The following GPC5 variants were observed in gnomAD, a reference collection of about 807,000 sequenced individuals.
The protein encoded by GPC5 is glypican 5.
GPC5 carries 47 observed loss-of-function variants against 53.9 expected under a neutral mutation model. The observed-to-expected ratio is 0.87, with a 90% CI of 0.69 to 1.11. GPC5 has a LOEUF of 1.11. GPC5 is among the 50% of genes most tolerant of loss of function. The probability of loss-of-function intolerance (pLI) is 0.00; values close to 1 mark genes in which losing one functional copy is unlikely to be tolerated. For synonymous variants in GPC5, 286 were observed against 263.3 expected, an observed-to-expected ratio of 1.09 and a Z score of -0.84; for missense variants, 748 against 713.1, an observed-to-expected ratio of 1.05 and a Z score of -0.56.
At chr13:92,609,180 G>A (rs566535905) in intron 7 of GPC5, among the ~76,000 whole-genome samples, 7 of 152,190 alleles carry the variant, frequency 4.6e-5, no homozygotes, top group African/African-American at 7.2e-5. Context: ...ACTTGGGTAC[G>A]AAGGAATGTG....
intron 6 of GPC5, among the ~76,000 whole-genome samples, chr13:91,959,628 G>A (rs1051825132): frequency 2.0e-5 from 3 of 151,908 alleles, no homozygotes; most frequent in African/African-American, 7.2e-5. Context: ...GATGAACATA[G>A]ACACAAAATT....
intron 7 of GPC5, among the ~76,000 whole-genome samples, chr13:92,683,309 A>G (rs1887163263): frequency 6.6e-6 from 1 of 152,182 alleles, no homozygotes; most frequent in African/African-American, 2.4e-5. Context: ...GTTCCTTGGG[A>G]ATGTGGGTTA....
intron 7 of GPC5, among the ~76,000 whole-genome samples, chr13:92,497,050 A>G (rs1338155520): frequency 6.6e-6 from 1 of 152,168 alleles, no homozygotes; most frequent in Non-Finnish European, 1.5e-5. Flanking sequence ...CCCATTCTGT[A>G]GGTTGCCTGT....
At chr13:91,807,544 A>T (rs2038241453) in intron 5 of GPC5, among the ~76,000 whole-genome samples, 1 of 152,068 alleles carries the variant, frequency 6.6e-6, no homozygotes, top group Non-Finnish European at 1.5e-5. Context: ...TCTGCTACTT[A>T]TTTTTACCTC....
chr13:92,553,357 C>G, intron 7 of GPC5, among the ~76,000 whole-genome samples: 1 of 152,060 alleles, frequency 6.6e-6, no homozygotes, highest in Non-Finnish European at 1.5e-5. Flanking sequence ...CTCATAATTT[C>G]TCACCTAGAT....
chr13:91,949,517 G>A (rs1233597994), intron 6 of GPC5, among the ~76,000 whole-genome samples: 3 of 152,160 alleles, frequency 2.0e-5, no homozygotes, highest in Non-Finnish European at 4.4e-5. Context: ...CCTTTCTATA[G>A]CATCCTTAAA....
At chr13:91,422,423 G>A (rs1878700652) in intron 1 of GPC5, among the ~76,000 whole-genome samples, 1 of 152,050 alleles carries the variant, frequency 6.6e-6, no homozygotes, top group African/African-American at 2.4e-5. Context: ...ATCACCTGAG[G>A]TCAGGTGGTT....
At chr13:92,395,157 C>A (rs1476640866) in intron 7 of GPC5, among the ~76,000 whole-genome samples, 2 of 152,138 alleles carry the variant, frequency 1.3e-5, no homozygotes, top group East Asian at 3.8e-4. Context: ...ATATTCAAAA[C>A]TGTTCTGCTT....
intron 7 of GPC5, among the ~76,000 whole-genome samples, chr13:92,547,394 T>G (rs1486230957): frequency 6.6e-6 from 1 of 152,212 alleles, no homozygotes; most frequent in African/African-American, 2.4e-5. Context: ...CACAAAGTCC[T>G]AAAGTTGATT....
At chr13:92,470,711 A>G (rs1010888180) in intron 7 of GPC5, among the ~76,000 whole-genome samples, 2 of 152,130 alleles carry the variant, frequency 1.3e-5, no homozygotes, top group Non-Finnish European at 2.9e-5. Context: ...AGTATTTTTT[A>G]CTGTATGTCT....
intron 7 of GPC5, among the ~76,000 whole-genome samples, chr13:92,523,465 A>C (rs1426572294): frequency 6.6e-6 from 1 of 152,146 alleles, no homozygotes; most frequent in South Asian, 2.1e-4. Context: ...ATGAATATTT[A>C]GAAACATTTC....
chr13:92,848,827 A>G (rs1878695972), intron 7 of GPC5, among the ~76,000 whole-genome samples: 1 of 152,192 alleles, frequency 6.6e-6, no homozygotes, highest in South Asian at 2.1e-4. Flanking sequence ...AAAACTATGC[A>G]CTGCATTATC....
chr13:91,784,803 G>A (rs2037853703), intron 5 of GPC5, among the ~76,000 whole-genome samples: 1 of 151,850 alleles, frequency 6.6e-6, no homozygotes, highest in Non-Finnish European at 1.5e-5. Context: ...AGCCATATGT[G>A]ATTTTTAGTT....
chr13:91,492,315 G>T (rs1883984627), intron 2 of GPC5, among the ~76,000 whole-genome samples: 1 of 152,114 alleles, frequency 6.6e-6, no homozygotes, highest in South Asian at 2.1e-4. Context: ...TTTATTACAG[G>T]AATTGGCTTA....
chr13:92,829,419 A>C (rs748032818), intron 7 of GPC5, among the ~76,000 whole-genome samples: 2 of 152,226 alleles, frequency 1.3e-5, no homozygotes, highest in Non-Finnish European at 2.9e-5. Flanking sequence ...TACAGAAATC[A>C]TTAAAGATTC....
chr13:92,175,116 G>T (rs2042100439), intron 7 of GPC5, among the ~76,000 whole-genome samples: 1 of 152,226 alleles, frequency 6.6e-6, no homozygotes, highest in Admixed American at 6.5e-5. Context: ...GCCACCCAAA[G>T]TGCTGGGATT....
intron 7 of GPC5, among the ~76,000 whole-genome samples, chr13:92,782,661 TAATC>T (rs1876074348): frequency 6.6e-6 from 1 of 152,198 alleles, no homozygotes; most frequent in African/African-American, 2.4e-5. Flanking sequence ...TTCATGGAGA[TAATC>T]AATATTACAT....
intron 6 of GPC5, among the ~76,000 whole-genome samples, chr13:91,930,109 A>T (rs1202102190): frequency 6.6e-6 from 1 of 152,082 alleles, no homozygotes; most frequent in Non-Finnish European, 1.5e-5. Flanking sequence ...CAAAAATTAC[A>T]AAGAATTTCA....
intron 6 of GPC5, among the ~76,000 whole-genome samples, chr13:91,930,044 T>C (rs952650951): frequency 1.5e-4 from 23 of 152,070 alleles, no homozygotes; most frequent in Non-Finnish European, 2.8e-4. Flanking sequence ...ACCTTTATAA[T>C]TGGGTGCATA....
Sources: gnomAD v4.1 joint callset for allele counts (sites outside exome capture counted in the v4.1 genomes callset) on GRCh38, gnomAD v4.1.1 for gene constraint, MANE v1.5 for transcripts, NCBI Gene and HGNC (gene_info 2026-07-23, HGNC 2026-07-21) for gene names.